RYR3: variants seen among roughly 807,000 people sequenced by gnomAD.
RYR3 encodes brain ryanodine receptor-calcium release channel.
RYR3 carries 207 observed loss-of-function variants against 584.3 expected under a neutral mutation model. The observed-to-expected ratio is 0.35, with a 90% CI of 0.32 to 0.40. The LOEUF is 0.40. RYR3 is among the 10% of genes least tolerant of loss of function. RYR3 has a pLI of 1.00. For synonymous variants in RYR3, 2,416 were observed against 2,248.5 expected (o/e 1.07, Z -2.11); for missense variants, 5,616 against 6,089.2 (o/e 0.92, Z 2.59).
At chr15:33,628,156 G>A (rs987115168) in intron 20 of RYR3, among the ~76,000 whole-genome samples, 9 of 152,226 alleles carry the variant, frequency 5.9e-5, no homozygotes, top group Non-Finnish European at 1.5e-5. Context: ...TGACTTGGGA[G>A]TGATCATCTA....
At position 33,347,076 on chromosome 15, in the gene RYR3, T is replaced by C. The variant is rs186684659; in HGVS notation, c.51+35980T>C. Among the ~76,000 whole-genome samples, 259 of 152,312 alleles carry C rather than the reference T, an allele frequency of 1.7e-3. 1 individual carries two copies. The highest frequency in any genetic ancestry group is 6.0e-3 in the African/African-American group (251 of 41,578). On this transcript the variant is annotated intron_variant, in intron 1 of 103. Coordinates refer to ENST00000634891, the MANE Select transcript of RYR3 (RefSeq NM_001036.6). ...ATGCCATTTTCATCATGTCATATCA[T>C]GGGTCCATATTATCAATATGTTGAC...
intron 1 of RYR3, among the ~76,000 whole-genome samples, chr15:33,446,514 G>T (rs12019040): frequency 2.4e-4 from 37 of 152,260 alleles, no homozygotes; most frequent in African/African-American, 8.7e-4. Flanking sequence ...TCTCTCCTTG[G>T]CTTGTAGATG....
At chr15:33,860,947 G>C in intron 101 of RYR3, 131 bp from the exon 102 acceptor site, 1 of 736,816 alleles carries the variant, frequency 1.4e-6, no homozygotes, top group Non-Finnish European at 2.3e-6. Context: ...GCACTACTGA[G>C]TGAATGACTA....
chr15:33,834,290 A>ACC, intron 86 of RYR3, among the ~76,000 whole-genome samples: 1 of 127,026 alleles, frequency 7.9e-6, no homozygotes, highest in Non-Finnish European at 1.6e-5. Flanking sequence ...TCTTAAACAC[A>ACC]CACACACACA....
At chr15:33,446,108 G>A (rs1325288623) in intron 1 of RYR3, among the ~76,000 whole-genome samples, 1 of 152,154 alleles carries the variant, frequency 6.6e-6, no homozygotes, top group African/African-American at 2.4e-5. Flanking sequence ...ATGGCGAGGT[G>A]CAGAATGAAA....
chr15:33,514,741 C>A (rs2140905727), intron 3 of RYR3, among the ~76,000 whole-genome samples: 1 of 152,136 alleles, frequency 6.6e-6, no homozygotes, highest in South Asian at 2.1e-4. Context: ...GTGGCTCACA[C>A]CTGTAATCCT....
rs757937663 is a variant in RYR3, at chr15:33,623,954, A to G, written c.2505A>G (p.Arg835=). Residue 835 remains arginine, a synonymous_variant, in exon 20 of 104, where the codon AGA becomes AGG. Coordinates refer to ENST00000634891, the MANE Select transcript of RYR3 (RefSeq NM_001036.6). ...ATAAACGTGATGCTGATGGCATTAG[A>G]GATCTCTTGGGTACCACCCAGTTCC... The part of the protein sequence containing the change: ...KEYKRDADGI[R]DLLGTTQFLS... The G allele has an allele frequency of 1.9e-6, 3 of 1,613,888 alleles. No homozygotes were observed. The highest frequency in any genetic ancestry group is 1.3e-5 in the African/African-American group (1 of 74,936).
At chr15:33,490,829 C>G (rs1375972804) in intron 2 of RYR3, among the ~76,000 whole-genome samples, 1 of 150,952 alleles carries the variant, frequency 6.6e-6, no homozygotes, top group Non-Finnish European at 1.5e-5. Flanking sequence ...CAATTTTTGA[C>G]TTGAAAAATG....
chr15:33,572,409 G>A (rs7167772), intron 12 of RYR3, among the ~76,000 whole-genome samples: 20 of 151,656 alleles, frequency 1.3e-4, no homozygotes, highest in African/African-American at 4.9e-4. Flanking sequence ...ACAGTTCGAG[G>A]TTCAGGCAGT....
rs183328126 is a variant in RYR3, at chr15:33,825,027, T to C, written c.11073-576T>C. Among the ~76,000 whole-genome samples the C allele has an allele frequency of 2.0e-3, 309 of 152,278 alleles. 2 individuals carry two copies. The highest frequency in any genetic ancestry group is 6.7e-3 in the African/African-American group (277 of 41,574). On this transcript the variant is annotated intron_variant, in intron 81 of 103. Transcript: ENST00000634891. Reference sequence around the variant, plus strand: ...GGCCAACTTGTCATAAATTCAGGAATACCTGGAGGCACCATTCCCTGTGGA... The same window carrying C: ...GGCCAACTTGTCATAAATTCAGGAACACCTGGAGGCACCATTCCCTGTGGA...
intron 21 of RYR3, among the ~76,000 whole-genome samples, 177 bp downstream of exon 21, chr15:33,628,752 T>C (rs1191622237): frequency 1.3e-5 from 2 of 152,182 alleles, no homozygotes; most frequent in Non-Finnish European, 2.9e-5. Flanking sequence ...AATACTGGTT[T>C]ATTTTATTCG....
chr15:33,767,212 G>A (rs2073148599), intron 60 of RYR3, among the ~76,000 whole-genome samples: 1 of 152,052 alleles, frequency 6.6e-6, no homozygotes, highest in Non-Finnish European at 1.5e-5. Flanking sequence ...AGCAGTTAAG[G>A]GGCTTCCCCA....
At chr15:33,354,178 C>A (rs1973655889) in intron 1 of RYR3, among the ~76,000 whole-genome samples, 1 of 152,222 alleles carries the variant, frequency 6.6e-6, no homozygotes, top group East Asian at 1.9e-4. Flanking sequence ...CAGGTGGCAT[C>A]TATGAGAATT....
At chr15:33,848,206 G>A in intron 93 of RYR3, 85 bp from the exon 94 acceptor site, 2 of 1,543,164 alleles carry the variant, frequency 1.3e-6, no homozygotes, top group South Asian at 2.3e-5. Flanking sequence ...TCTGAAGTTG[G>A]AAGGTTAATT....
chr15:33,447,924 G>T (rs2046808143), intron 1 of RYR3, among the ~76,000 whole-genome samples: 1 of 152,184 alleles, frequency 6.6e-6, no homozygotes, highest in Admixed American at 6.5e-5. Context: ...AGTGAATTAA[G>T]TAATTTGCCC....
intron 38 of RYR3, among the ~76,000 whole-genome samples, chr15:33,692,632 T>TC (rs1285169204): frequency 6.6e-6 from 1 of 151,836 alleles, no homozygotes; most frequent in Non-Finnish European, 1.5e-5. Context: ...TTTTTTTTTT[T>TC]TTTTAACTGT....
intron 46 of RYR3, among the ~76,000 whole-genome samples, chr15:33,728,362 G>A (rs1422585068): frequency 2.0e-5 from 3 of 152,216 alleles, no homozygotes; most frequent in African/African-American, 7.2e-5. Context: ...TAATTAGGAA[G>A]TAATAAGCTC....
rs1263944509 is a variant in RYR3, at chr15:33,621,698, T to A, written c.2358-2109T>A. On this transcript the variant is annotated intron_variant, in intron 19 of 103. Coordinates refer to ENST00000634891, the MANE Select transcript of RYR3 (RefSeq NM_001036.6). ...GGAGGTTTAGTATGATTTCTATAAT[T>A]AATTTTAAAACAGCATTTTATAAAA... is the stretch of plus-strand genomic sequence containing the variant. Among the ~76,000 whole-genome samples the A allele has an allele frequency of 2.6e-5, 4 of 152,168 alleles. No homozygotes were observed. In the East Asian group the frequency reaches 7.7e-4, roughly 29 times the overall value.
chr15:33,547,259 G>T (rs751346019), intron 8 of RYR3, among the ~76,000 whole-genome samples: 27 of 152,168 alleles, frequency 1.8e-4, no homozygotes, highest in Non-Finnish European at 3.1e-4. Flanking sequence ...GAGAAACAAG[G>T]CAAGACGGAG....
Sources: gnomAD v4.1 joint callset for allele counts (sites outside exome capture counted in the v4.1 genomes callset) on GRCh38, gnomAD v4.1.1 for gene constraint, MANE v1.5 for transcripts, NCBI Gene and HGNC (gene_info 2026-07-23, HGNC 2026-07-21) for gene names.